LONRF3: variants seen among roughly 807,000 people sequenced by gnomAD.
LONRF3 encodes the protein LON peptidase N-terminal domain and ring finger 3, also known as LON peptidase N-terminal domain and RING finger protein 3.
In LONRF3, 19 loss-of-function variants were observed where a neutral mutation model predicts 51.7. The observed-to-expected ratio is 0.37, with a 90% CI of 0.26 to 0.54. LONRF3 has a LOEUF of 0.54. Among genes scored for constraint, LONRF3 ranks in the 20% least tolerant of loss-of-function variants. LONRF3 has a pLI of 0.86. For missense variants in LONRF3, 521 were observed against 623.9 expected (o/e 0.84, Z 1.76); for synonymous variants, 265 against 257.8 (o/e 1.03, Z -0.27).
intron 8 of LONRF3, 127 bp from the exon 9 acceptor site, chrX:119,012,912 C>T (rs1280405915): frequency 2.5e-6 from 3 of 1,202,445 alleles, no homozygotes; most frequent in Non-Finnish European, 3.4e-6. Flanking sequence ...AGCTGTAACC[C>T]AGGGACAGGA....
intron 6 of LONRF3, among the ~76,000 whole-genome samples, chrX:119,008,566 T>G (rs1924888541): frequency 1.8e-5 from 2 of 112,095 alleles, no homozygotes; most frequent in Admixed American, 1.9e-4. Flanking sequence ...TTTAGCTGTT[T>G]GTGTTTTTTT....
intron 5 of LONRF3, among the ~76,000 whole-genome samples, chrX:119,001,454 A>G (rs957054575): frequency 8.9e-6 from 1 of 112,438 alleles, no homozygotes; most frequent in African/African-American, 3.2e-5. Flanking sequence ...AAATTTTCTC[A>G]ATAGTATAAT....
rs1007034898 is a variant in LONRF3 at position 119,017,837 on chromosome X, G to A, written c.*147G>A. On this transcript the variant is annotated 3_prime_UTR_variant, in exon 11 of 11. Coordinates refer to ENST00000371628, the MANE Select transcript of LONRF3 (RefSeq NM_001031855.3). ...CTGCTGTTGATCACAGAGAGAAATT[G>A]AGTAGAAAGACCAAAAGAATGTGAC... is the stretch of plus-strand genomic sequence containing the variant. 3.9e-5 allele frequency: 19 copies of A among 489,484 alleles called. No homozygotes were observed. In the Admixed American group the frequency reaches 4.0e-4, roughly 10 times the overall value. The allele number at this position is 489,484 out of a possible 1,213,427, so 40.3% of individuals were successfully genotyped here.
intron 2 of LONRF3, 57 bp downstream of exon 2, chrX:118,978,520 G>GCC: frequency 1.3e-6 from 1 of 793,348 alleles, no homozygotes; most frequent in Non-Finnish European, 1.9e-6. Flanking sequence ...GTATTGGCAG[G>GCC]AAGGGCTGCC....
intron 6 of LONRF3, among the ~76,000 whole-genome samples, chrX:119,006,883 C>T (rs5957093): frequency 0.34 from 37,181 of 109,700 alleles, 4,779 homozygotes; most frequent in Middle Eastern, 0.42. Context: ...CCACCACGCC[C>T]GGCCTAATTT....
chrX:118,979,067 C>G (rs1201351217), intron 2 of LONRF3, among the ~76,000 whole-genome samples: 20 of 95,262 alleles, frequency 2.1e-4, no homozygotes, highest in Non-Finnish European at 3.7e-4. Flanking sequence ...GTGGCGCAAT[C>G]TCGGCTCACT....
Position 118,989,513 on chromosome X carries a change from C to T in LONRF3, c.1165C>T (p.His389Tyr), listed in dbSNP as rs749869473. ...TAAAGTGAAGGGGGATGGTCAGCAG[C>T]ACCACATGAAAGACCAGGAAGAAGA... ...PAKVKGDGQQ[H>Y]HMKDQEEEEE... The change falls in exon 4 of 11, where the codon CAC becomes TAC. Residue 389 changes from histidine to tyrosine, a missense_variant. Around this residue, in one of 2 missense-constraint regions of LONRF3, gnomAD observed 376 missense variants for 376.7 expected, o/e 1.00. Transcript: ENST00000371628. 1 of 1,211,471 alleles carries T rather than the reference C, an allele frequency of 8.3e-7. No homozygotes were observed. Among genetic ancestry groups the T allele is most frequent in the Admixed American group, 2.2e-5 (1 of 46,010 alleles).
intron 2 of LONRF3, among the ~76,000 whole-genome samples, chrX:118,979,004 T>C (rs1239840734): frequency 2.1e-5 from 2 of 94,672 alleles, no homozygotes; most frequent in South Asian, 5.5e-4. Flanking sequence ...CTTTCTTTTT[T>C]TTTTTTTTTT....
chrX:119,004,592 G>A (rs1924577120), intron 5 of LONRF3, among the ~76,000 whole-genome samples: 1 of 112,264 alleles, frequency 8.9e-6, no homozygotes, highest in South Asian at 3.7e-4. Flanking sequence ...TGGGCCTACT[G>A]ATCTGAATCT....
Position 119,006,216 on chromosome X carries a change from G to C in LONRF3, c.1511G>C (p.Cys504Ser), listed in dbSNP as rs752297485. The change falls in exon 6 of 11, where the codon TGC (cysteine) becomes TCC (serine). Residue 504 changes from cysteine (C) to serine (S), a missense_variant. Transcript: ENST00000371628. ...GATCACAACGCAAAGTGTCCATTGT[G>C]CAAAGACGGTCTTTCACAGGTAAAT... ...CLDHNAKCPLCKDGLSQCLAS... is the reference protein window; with the variant it reads ...CLDHNAKCPLSKDGLSQCLAS... 1 of 1,168,835 alleles carries C rather than the reference G, an allele frequency of 8.6e-7. No homozygotes were observed. Among genetic ancestry groups the C allele is most frequent in the Non-Finnish European group, 1.2e-6 (1 of 862,999 alleles).
intron 5 of LONRF3, among the ~76,000 whole-genome samples, chrX:119,000,471 G>A (rs1924192965): frequency 9.0e-6 from 1 of 111,580 alleles, no homozygotes; most frequent in Non-Finnish European, 1.9e-5. Flanking sequence ...GTTGAGAGAA[G>A]TTACCCCCTA....
rs775949266 is a variant in LONRF3 at position 119,009,040 on chromosome X, C to G, written c.1531-86C>G. ...TTACTCCAATATGTGGGTCATTTGACTTGTTCACTGATTACATCAGAAGTG... is the reference window on the plus strand; with the variant it reads ...TTACTCCAATATGTGGGTCATTTGAGTTGTTCACTGATTACATCAGAAGTG... On this transcript the variant is annotated intron_variant, in intron 6 of 10. Transcript: ENST00000371628. 15 of 840,299 alleles carry G rather than the reference C, an allele frequency of 1.8e-5. No individual in the cohort carries two copies. The South Asian group carries it at 3.7e-4, about 21-fold the overall frequency. 69.3% of individuals were successfully genotyped at this position (840,299 alleles called of 1,213,427 possible).
intron 4 of LONRF3, among the ~76,000 whole-genome samples, chrX:118,990,158 C>A (rs955002250): frequency 2.7e-5 from 3 of 112,301 alleles, no homozygotes; most frequent in African/African-American, 9.7e-5. Flanking sequence ...GCTTTGAAGG[C>A]CTGGCTCAGT....
intron 5 of LONRF3, among the ~76,000 whole-genome samples, chrX:118,998,173 T>C: frequency 1.3e-5 from 1 of 77,036 alleles, no homozygotes; most frequent in Middle Eastern, 6.8e-3. Flanking sequence ...CACATGCATG[T>C]TTATGGCAAC....
At chrX:118,997,003 C>T (rs925095076) in intron 5 of LONRF3, among the ~76,000 whole-genome samples, 3 of 109,639 alleles carry the variant, frequency 2.7e-5, no homozygotes, top group African/African-American at 1.0e-4. Flanking sequence ...CAAATGGAAG[C>T]ACATCCCATG....
At chrX:119,007,635 T>C (rs1034903349) in intron 6 of LONRF3, among the ~76,000 whole-genome samples, 2 of 111,846 alleles carry the variant, frequency 1.8e-5, no homozygotes, top group East Asian at 2.8e-4. Context: ...TGACTACAGG[T>C]CAAGAGAAGT....
intron 3 of LONRF3, among the ~76,000 whole-genome samples, chrX:118,988,995 A>G (rs776947971): frequency 6.5e-4 from 72 of 110,550 alleles, no homozygotes; most frequent in African/African-American, 2.2e-3. Context: ...CGTGAATGGC[A>G]GTGAGGGCGA....
chrX:119,006,692 A>G (rs765508267), intron 6 of LONRF3, among the ~76,000 whole-genome samples: 529 of 110,985 alleles, frequency 4.8e-3, no homozygotes, highest in Non-Finnish European at 8.0e-3. Flanking sequence ...GGTTCATGCC[A>G]TTCTCCTGCC....
In LONRF3 at chrX:118,988,153, A is replaced by G. The variant is rs776017504; in HGVS notation, c.1060-1255A>G. 3.7e-4 allele frequency among the ~76,000 whole-genome samples: 41 copies of G among 111,418 alleles called. 1 individual carries two copies. Among genetic ancestry groups the G allele is most frequent in the African/African-American group, 1.3e-3 (39 of 30,551 alleles). ...CCCTGGGCTCTCATAAAAGGACTGA[A>G]ATGCAGGTGCGCCCAACTTTTCTTA... On this transcript the variant is annotated intron_variant, in intron 3 of 10. Coordinates refer to ENST00000371628, the MANE Select transcript of LONRF3 (RefSeq NM_001031855.3).
Sources: gnomAD v4.1 joint callset for allele counts (sites outside exome capture counted in the v4.1 genomes callset) on GRCh38, gnomAD v4.1.1 for gene constraint, gnomAD v4.1.1 regional missense constraint, MANE v1.5 for transcripts, NCBI Gene and HGNC (gene_info 2026-07-23, HGNC 2026-07-21) for gene names.